The following CCDC102B variants were observed in gnomAD, a reference collection of about 807,000 sequenced individuals.
The protein encoded by CCDC102B is coiled-coil domain-containing protein 102B.
CCDC102B carries 75 observed loss-of-function variants against 57.4 expected under a neutral mutation model. That is an observed-to-expected ratio of 1.31 (90% CI 1.08 to 1.58). The LOEUF (loss-of-function observed/expected upper bound fraction) is 1.58. CCDC102B is among the 40% of genes most tolerant of loss of function. CCDC102B has a pLI of 0.00. For missense variants in CCDC102B, 636 were observed against 582.6 expected, an observed-to-expected ratio of 1.09 and a Z score of -0.94; for synonymous variants, 206 against 201.9, an observed-to-expected ratio of 1.02 and a Z score of -0.17.
intron 7 of CCDC102B, among the ~76,000 whole-genome samples, chr18:69,016,461 A>T (rs889323983): frequency 2.0e-5 from 3 of 152,150 alleles, no homozygotes; most frequent in Non-Finnish European, 4.4e-5. Flanking sequence ...TTTCCTAAGA[A>T]TTTTATACAT....
chr18:68,737,514 G>A (rs1253849214), intron 2 of CCDC102B, among the ~76,000 whole-genome samples: 1 of 151,884 alleles, frequency 6.6e-6, no homozygotes, highest in East Asian at 1.9e-4. Flanking sequence ...GTGTGTGTGT[G>A]AAGGGAGGGT....
At chr18:68,795,737 A>T (rs934555210), upstream of CCDC102B, among the ~76,000 whole-genome samples, 6 of 152,300 alleles carry the variant, frequency 3.9e-5, no homozygotes, top group Middle Eastern at 3.4e-3. Context: ...CAAAGACCGT[A>T]TTTCCAAATA....
chr18:69,045,708 G>A (rs1013998971), intron 7 of CCDC102B, among the ~76,000 whole-genome samples: 2 of 151,946 alleles, frequency 1.3e-5, no homozygotes, highest in African/African-American at 4.8e-5. Flanking sequence ...CAGATAATAA[G>A]CATAGCACCC....
At chr18:68,965,133 C>G (rs1055507245) in intron 6 of CCDC102B, among the ~76,000 whole-genome samples, 1 of 151,872 alleles carries the variant, frequency 6.6e-6, no homozygotes, top group African/African-American at 2.4e-5. Context: ...TTAATTTCTT[C>G]TAGTACATTT....
chr18:68,865,612 C>T (rs1398450516), intron 4 of CCDC102B, among the ~76,000 whole-genome samples: 2 of 152,068 alleles, frequency 1.3e-5, no homozygotes, highest in African/African-American at 4.8e-5. Flanking sequence ...TATTACCTTC[C>T]ATCCGCTTTT....
chr18:68,752,220 A>G (rs1397439619), intron 2 of CCDC102B, among the ~76,000 whole-genome samples: 1 of 152,174 alleles, frequency 6.6e-6, no homozygotes, highest in East Asian at 1.9e-4. Context: ...AGATCGCGCC[A>G]CTGCACTCCA....
At chr18:68,765,801 C>T (rs1185799833) in intron 2 of CCDC102B, among the ~76,000 whole-genome samples, 1 of 151,946 alleles carries the variant, frequency 6.6e-6, no homozygotes, top group East Asian at 1.9e-4. Context: ...ATATATGATT[C>T]TTAGACTTAT....
intron 5 of CCDC102B, among the ~76,000 whole-genome samples, chr18:68,895,877 C>T (rs994955465): frequency 6.6e-6 from 1 of 151,922 alleles, no homozygotes; most frequent in Non-Finnish European, 1.5e-5. Flanking sequence ...TAGATTTATG[C>T]AATAAATTAC....
intron 7 of CCDC102B, among the ~76,000 whole-genome samples, chr18:69,033,792 C>A (rs2052211787): frequency 6.6e-6 from 1 of 151,860 alleles, no homozygotes; most frequent in African/African-American, 2.4e-5. Flanking sequence ...AAAATGGTTC[C>A]ATCATTTTAC....
chr18:68,960,906 C>T (rs773625049), intron 6 of CCDC102B, among the ~76,000 whole-genome samples: 8 of 152,110 alleles, frequency 5.3e-5, no homozygotes, highest in Non-Finnish European at 1.5e-5. Flanking sequence ...GACTGTCTTT[C>T]CTATCTTGTT....
intron 6 of CCDC102B, among the ~76,000 whole-genome samples, chr18:68,953,574 A>G (rs1683447920): frequency 6.6e-6 from 1 of 151,918 alleles, no homozygotes; most frequent in Admixed American, 6.6e-5. Context: ...AGTTGTAAAA[A>G]GTACTTCTAT....
Position 68,866,589 on chromosome 18 carries a change from A to T in CCDC102B, c.937-8080A>T, listed in dbSNP as rs188050860. 955 of 292,808 alleles carry T rather than the reference A, an allele frequency of 3.3e-3. 7 individuals carry two copies. Among genetic ancestry groups the T allele is most frequent in the Middle Eastern group, 7.7e-3 (6 of 784 alleles). The allele number at this position is 292,808 out of a possible 1,614,324, so 18.1% of individuals were successfully genotyped here. On this transcript the variant is annotated intron_variant, in intron 4 of 7. Transcript: ENST00000360242. The stretch of plus-strand genomic sequence containing the variant: ...CCAATTTAGCCCTCTGCTCTGTATC[A>T]GAAAAGCTGCTCCTTTGGGAACCTT...
intron 5 of CCDC102B, among the ~76,000 whole-genome samples, chr18:68,887,964 CAG>C (rs1344889107): frequency 6.6e-6 from 1 of 152,132 alleles, no homozygotes. Context: ...ATGTAGCACT[CAG>C]AGACAGACAA....
chr18:68,818,964 T>C (rs977411), intron 1 of CCDC102B, among the ~76,000 whole-genome samples: 65,570 of 151,854 alleles, frequency 0.43, 15,455 homozygotes, highest in East Asian at 0.86. Flanking sequence ...TATTGAAAAA[T>C]CATGTGGTTA....
intron 6 of CCDC102B, 167 bp downstream of exon 6, chr18:68,897,595 A>T: frequency 6.4e-7 from 1 of 1,569,732 alleles, no homozygotes; most frequent in East Asian, 2.3e-5. Flanking sequence ...AATAACGTTC[A>T]TGCATCTGAA....
At chr18:68,883,376 A>G (rs1421095157) in intron 5 of CCDC102B, among the ~76,000 whole-genome samples, 2 of 152,104 alleles carry the variant, frequency 1.3e-5, no homozygotes, top group African/African-American at 4.8e-5. Flanking sequence ...ACACCATTGC[A>G]CTCCAGCCTG....
chr18:68,921,834 T>C (rs2041294965), intron 6 of CCDC102B, among the ~76,000 whole-genome samples: 1 of 152,184 alleles, frequency 6.6e-6, no homozygotes, highest in South Asian at 2.1e-4. Context: ...ACGTGAGAGC[T>C]ATGTCAGGCT....
intron 4 of CCDC102B, among the ~76,000 whole-genome samples, chr18:68,865,529 C>A (rs1057074614): frequency 1.3e-5 from 2 of 152,152 alleles, no homozygotes; most frequent in Admixed American, 1.3e-4. Context: ...TCCAGATTCA[C>A]AACTTCCATA....
chr18:68,972,555 T>C (rs1368952129), intron 6 of CCDC102B, among the ~76,000 whole-genome samples: 1 of 152,204 alleles, frequency 6.6e-6, no homozygotes, highest in Non-Finnish European at 1.5e-5. Flanking sequence ...ATGTTTGTTA[T>C]CTAATACATC....
Sources: gnomAD v4.1 joint callset for allele counts (sites outside exome capture counted in the v4.1 genomes callset) on GRCh38, gnomAD v4.1.1 for gene constraint, MANE v1.5 for transcripts, NCBI Gene and HGNC (gene_info 2026-07-23, HGNC 2026-07-21) for gene names.